Variants in CPQ observed in about 807,000 individuals in gnomAD.
The protein encoded by CPQ is carboxypeptidase Q.
CPQ carries 37 observed loss-of-function variants against 45.7 expected under a neutral mutation model. That is an observed-to-expected ratio of 0.81 (90% confidence interval 0.62 to 1.07). The LOEUF is 1.07. CPQ is among the 50% of genes least tolerant of loss of function. CPQ has a pLI of 0.00. For synonymous variants in CPQ, 186 were observed against 205.8 expected (o/e 0.90, Z 0.82); for missense variants, 537 against 572.9 (o/e 0.94, Z 0.64).
chr8:96,720,619 C>G (rs56190969), intron 1 of CPQ, among the ~76,000 whole-genome samples: 1 of 151,870 alleles, frequency 6.6e-6, no homozygotes, highest in African/African-American at 2.4e-5. Context: ...CTAGTTTAGT[C>G]TGTATTCATA....
intron 3 of CPQ, among the ~76,000 whole-genome samples, chr8:96,872,342 C>T (rs1184437108): frequency 6.6e-6 from 1 of 151,902 alleles, no homozygotes; most frequent in Admixed American, 6.6e-5. Flanking sequence ...CCATTTGTGG[C>T]ATCGTGTTGG....
intron 1 of CPQ, among the ~76,000 whole-genome samples, chr8:96,673,356 T>G (rs1809032104): frequency 6.6e-6 from 1 of 151,964 alleles, no homozygotes; most frequent in African/African-American, 2.4e-5. Flanking sequence ...ATAAATGAGG[T>G]AGTGGGCCAT....
intron 1 of CPQ, among the ~76,000 whole-genome samples, chr8:96,740,342 T>A (rs1810068158): frequency 1.3e-5 from 2 of 152,334 alleles, no homozygotes; most frequent in Middle Eastern, 3.4e-3. Flanking sequence ...AAGTTGCTTA[T>A]CAGCTTAAGG....
At chr8:96,743,660 G>A (rs1050778896) in intron 1 of CPQ, among the ~76,000 whole-genome samples, 2 of 152,152 alleles carry the variant, frequency 1.3e-5, no homozygotes, top group East Asian at 1.9e-4. Context: ...TTTTGGTGTG[G>A]ATGTCCTTTC....
At chr8:96,840,465 T>G (rs2130852662) in intron 3 of CPQ, among the ~76,000 whole-genome samples, 1 of 152,166 alleles carries the variant, frequency 6.6e-6, no homozygotes, top group East Asian at 1.9e-4. Flanking sequence ...ATCTAGGAGC[T>G]TATTGATGTG....
In CPQ at chr8:96,865,420, G is replaced by C. The variant is rs1333197914; in HGVS notation, c.642-14378G>C. Reference sequence around the variant, plus strand: ...AGTTTCTGCACACCAGTCTGACTTAGAGCTGAGCAGCACATAGACGTGTAC... The same window carrying C: ...AGTTTCTGCACACCAGTCTGACTTACAGCTGAGCAGCACATAGACGTGTAC... On this transcript the variant is annotated intron_variant, in intron 3 of 7. Transcript: ENST00000220763. Among the ~76,000 whole-genome samples the C allele has an allele frequency of 2.0e-5, 3 of 151,982 alleles. No individual in the cohort carries two copies. The East Asian group carries it at 5.8e-4, about 29-fold the overall frequency.
intron 4 of CPQ, among the ~76,000 whole-genome samples, chr8:96,924,841 G>A (rs1026475264): frequency 2.0e-5 from 3 of 152,160 alleles, no homozygotes; most frequent in Non-Finnish European, 2.9e-5. Context: ...AAGTTTAAAT[G>A]CCATCTACTT....
chr8:96,985,232 T>C (rs986046343), intron 5 of CPQ, among the ~76,000 whole-genome samples: 1 of 151,654 alleles, frequency 6.6e-6, no homozygotes, highest in Non-Finnish European at 1.5e-5. Flanking sequence ...GCTCTTACTT[T>C]TTTTTCTTCT....
intron 1 of CPQ, among the ~76,000 whole-genome samples, chr8:96,686,991 G>A (rs539035826): frequency 6.6e-6 from 1 of 151,746 alleles, no homozygotes; most frequent in East Asian, 1.9e-4. Context: ...AATTTTTTTT[G>A]TTTCTGGGAT....
At chr8:96,897,290 A>G (rs980945005) in intron 4 of CPQ, among the ~76,000 whole-genome samples, 4 of 152,200 alleles carry the variant, frequency 2.6e-5, no homozygotes, top group Non-Finnish European at 1.5e-5. Context: ...AGTTCCTAAG[A>G]AAAGTAGACC....
intron 3 of CPQ, among the ~76,000 whole-genome samples, chr8:96,851,257 G>C (rs1811767504): frequency 6.6e-6 from 1 of 152,160 alleles, no homozygotes; most frequent in African/African-American, 2.4e-5. Flanking sequence ...AAAATACGTA[G>C]GTAAGTCTCT....
At chr8:97,061,220 TTTTA>T (rs1432853703) in intron 6 of CPQ, among the ~76,000 whole-genome samples, 1 of 152,138 alleles carries the variant, frequency 6.6e-6, no homozygotes, top group Non-Finnish European at 1.5e-5. Context: ...ATTTTAGGCT[TTTTA>T]TTTATAGTTG....
At chr8:96,730,887 A>ATATATATATATATATATATATG (rs1809904787) in intron 1 of CPQ, among the ~76,000 whole-genome samples, 1 of 120,134 alleles carries the variant, frequency 8.3e-6, no homozygotes, top group South Asian at 2.7e-4. Flanking sequence ...ATATATATAT[A>ATATATATATATATATATATATG]TATATGCATT....
chr8:96,933,402 G>A (rs1812999642), intron 4 of CPQ, among the ~76,000 whole-genome samples: 2 of 152,292 alleles, frequency 1.3e-5, no homozygotes, highest in Non-Finnish European at 1.5e-5. Context: ...GAAATGGAAA[G>A]TGGTCCTGTA....
At chr8:96,716,778 G>A (rs1033825341) in intron 1 of CPQ, among the ~76,000 whole-genome samples, 1 of 151,618 alleles carries the variant, frequency 6.6e-6, no homozygotes, top group Non-Finnish European at 1.5e-5. Context: ...GTGTTGGCGT[G>A]GGCCTGTAAT....
rs533780432 is a variant in CPQ at position 97,066,299 on chromosome 8, G to A, written c.1255+89G>A. 538 of 1,173,532 alleles carry A rather than the reference G, an allele frequency of 4.6e-4. 2 individuals are homozygous for A. The highest frequency in any genetic ancestry group is 6.0e-4 in the Non-Finnish European group (501 of 838,056). 72.7% of individuals were successfully genotyped at this position (1,173,532 alleles called of 1,614,324 possible). A position where few individuals can be genotyped will look rare whatever the true frequency, so the allele number is the denominator to read the frequency against. On this transcript the variant is annotated intron_variant, in intron 7 of 7. Transcript: ENST00000220763. ...TTTTAATAGAGCACAATGAATACTA[G>A]TAGGCCAGGTTGTCCACGGAAACCT...
chr8:96,796,728 G>C (rs748077994), intron 2 of CPQ, among the ~76,000 whole-genome samples: 5 of 152,156 alleles, frequency 3.3e-5, no homozygotes, highest in African/African-American at 1.2e-4. Flanking sequence ...AGTGTAGCTA[G>C]ACTTGGATTT....
At chr8:96,733,263 C>T (rs1238723428) in intron 1 of CPQ, among the ~76,000 whole-genome samples, 1 of 152,184 alleles carries the variant, frequency 6.6e-6, no homozygotes, top group East Asian at 1.9e-4. Flanking sequence ...TCCACATTGC[C>T]AGGACATTTA....
intron 6 of CPQ, among the ~76,000 whole-genome samples, chr8:97,065,283 T>G (rs973997020): frequency 6.6e-6 from 1 of 152,186 alleles, no homozygotes; most frequent in Admixed American, 6.6e-5. Flanking sequence ...TATTCTAAAT[T>G]TGTGCCGTGA....
Sources: allele counts gnomAD v4.1 joint callset (sites outside exome capture counted in the v4.1 genomes callset), GRCh38; gene constraint gnomAD v4.1.1; transcripts MANE v1.5; gene names NCBI Gene and HGNC (gene_info 2026-07-23, HGNC 2026-07-21).